The following KCNK2 variants were observed in gnomAD, a reference collection of about 807,000 sequenced individuals.
KCNK2 encodes potassium two pore domain channel subfamily K member 2, also known as potassium channel subfamily K member 2.
A neutral mutation model predicts 40.5 loss-of-function variants in KCNK2; 21 were observed. The observed-to-expected ratio is 0.52, with a 90% CI of 0.37 to 0.75. KCNK2 has a LOEUF of 0.75. KCNK2 is among the 30% of genes least tolerant of loss of function. The pLI is 0.00. For synonymous variants in KCNK2, 191 were observed against 202.2 expected (o/e 0.94, Z 0.47); for missense variants, 399 against 531.6 (o/e 0.75, Z 2.45).
chr1:215,223,538 G>A (rs571552598), intron 6 of KCNK2, among the ~76,000 whole-genome samples: 1 of 152,264 alleles, frequency 6.6e-6, no homozygotes, highest in Non-Finnish European at 1.5e-5. Context: ...GGGAAAAAAA[G>A]TGACCTTGTA....
intron 5 of KCNK2, among the ~76,000 whole-genome samples, chr1:215,175,238 T>A (rs1663905626): frequency 6.6e-6 from 1 of 151,984 alleles, no homozygotes; most frequent in African/African-American, 2.4e-5. Context: ...GGTTACCTAC[T>A]GAGGTACTGG....
chr1:215,146,593 C>A (rs1401284785), intron 3 of KCNK2, among the ~76,000 whole-genome samples: 5 of 152,156 alleles, frequency 3.3e-5, no homozygotes, highest in Admixed American at 3.3e-4. Context: ...TATATACATA[C>A]TTTCCCAGTC....
chr1:215,067,450 A>G (rs1658594675), intron 1 of KCNK2, among the ~76,000 whole-genome samples: 1 of 152,176 alleles, frequency 6.6e-6, no homozygotes, highest in Non-Finnish European at 1.5e-5. Context: ...GGGAAGAGGG[A>G]TATAACAAAT....
At position 215,020,040 on chromosome 1, in the gene KCNK2, C is replaced by T. The variant is rs190345506; in HGVS notation, c.34+14085C>T. ...CCTGAGTCATTATAGATCTATTCAT[C>T]AAAGTTCATAGCATTAATTATCCCT... On this transcript the variant is annotated intron_variant, in intron 1 of 6. Transcript: ENST00000391895. 9.2e-5 allele frequency among the ~76,000 whole-genome samples: 14 copies of T among 152,258 alleles called. No individual in the cohort carries two copies. The East Asian group carries it at 2.3e-3, about 25-fold the overall frequency.
intron 5 of KCNK2, among the ~76,000 whole-genome samples, chr1:215,187,950 C>A (rs1664516650): frequency 1.3e-5 from 2 of 151,368 alleles, no homozygotes; most frequent in Non-Finnish European, 2.9e-5. Context: ...AGTGAAAAAA[C>A]CAGAGAAGAA....
chr1:215,218,463 C>T (rs2102696931), intron 6 of KCNK2, among the ~76,000 whole-genome samples: 1 of 152,330 alleles, frequency 6.6e-6, no homozygotes, highest in Middle Eastern at 3.4e-3. Flanking sequence ...TAAATATCAC[C>T]CCGCATTCAT....
At chr1:215,230,341 G>A (rs1273670676) in intron 6 of KCNK2, among the ~76,000 whole-genome samples, 3 of 149,822 alleles carry the variant, frequency 2.0e-5, no homozygotes, top group Non-Finnish European at 4.4e-5. Flanking sequence ...CTTGTAACAC[G>A]ATGGTGAGTA....
chr1:215,219,200 T>TA (rs929972356), intron 6 of KCNK2, among the ~76,000 whole-genome samples: 3 of 152,200 alleles, frequency 2.0e-5, no homozygotes, highest in African/African-American at 7.2e-5. Context: ...TGTGTGGCTG[T>TA]AAAACGTACC....
At chr1:215,012,777 A>G (rs1052072281) in intron 1 of KCNK2, among the ~76,000 whole-genome samples, 1 of 150,346 alleles carries the variant, frequency 6.7e-6, no homozygotes, top group African/African-American at 2.4e-5. Flanking sequence ...TAAATTAAGG[A>G]TTTAAGCCCT....
intron 2 of KCNK2, among the ~76,000 whole-genome samples, chr1:215,110,486 G>A (rs988681451): frequency 6.9e-6 from 1 of 145,944 alleles, no homozygotes; most frequent in Non-Finnish European, 1.5e-5. Context: ...TCCTCATTAT[G>A]CAATCTTGAC....
At chr1:215,137,472 A>G (rs1235548154) in intron 3 of KCNK2, among the ~76,000 whole-genome samples, 1 of 152,214 alleles carries the variant, frequency 6.6e-6, no homozygotes, top group African/African-American at 2.4e-5. Context: ...TATGGCCTCC[A>G]AAGCTGAAAA....
chr1:215,141,235 TAATA>T (rs1395828419), intron 3 of KCNK2, among the ~76,000 whole-genome samples: 2 of 152,238 alleles, frequency 1.3e-5, no homozygotes, highest in East Asian at 3.9e-4. Flanking sequence ...TCTAAAATAA[TAATA>T]AAAGGTATAA....
chr1:215,163,102 C>G (rs1405191650), intron 3 of KCNK2, among the ~76,000 whole-genome samples: 3 of 151,850 alleles, frequency 2.0e-5, no homozygotes, highest in Admixed American at 1.3e-4. Context: ...CTTTTATTTC[C>G]TTGAGCAGTG....
At chr1:215,125,740 AT>A (rs2102582534) in intron 3 of KCNK2, among the ~76,000 whole-genome samples, 1 of 692 alleles carries the variant, frequency 1.4e-3, no homozygotes, top group African/African-American at 0.015. Context: ...AGTATAATAA[AT>A]ATATATATAT....
chr1:215,120,445 G>T (rs554622046), intron 2 of KCNK2, among the ~76,000 whole-genome samples: 1 of 152,186 alleles, frequency 6.6e-6, no homozygotes, highest in South Asian at 2.1e-4. Flanking sequence ...TTGAATAAAT[G>T]AACGTGTTGA....
intron 1 of KCNK2, chr1:215,006,062 G>C (rs960851749): frequency 1.0e-6 from 1 of 965,656 alleles, no homozygotes; most frequent in Non-Finnish European, 1.6e-6. Flanking sequence ...TTCATTATAT[G>C]AAAGTCTATA....
rs571542996 is a variant in KCNK2, at chr1:215,045,133, G to A, written c.34+39178G>A. Among the ~76,000 whole-genome samples, 153 of 151,806 alleles carry A rather than the reference G, an allele frequency of 1.0e-3. 1 individual carries two copies. The highest frequency in any genetic ancestry group is 3.5e-3 in the African/African-American group (146 of 41,438). On this transcript the variant is annotated intron_variant, in intron 1 of 6. Transcript: ENST00000391895. The stretch of plus-strand genomic sequence containing the variant: ...CAGGAGGCTGAGCTTGCAGTGAGCC[G>A]AGATCGTGCCACTGAACTCCAGCCT...
intron 6 of KCNK2, among the ~76,000 whole-genome samples, chr1:215,232,198 C>T (rs1666693552): frequency 6.6e-6 from 1 of 152,114 alleles, no homozygotes; most frequent in Admixed American, 6.6e-5. Flanking sequence ...TCCAAATGTT[C>T]ATCAATAGGG....
intron 5 of KCNK2, among the ~76,000 whole-genome samples, chr1:215,189,678 G>A (rs895827666): frequency 3.9e-5 from 6 of 152,212 alleles, no homozygotes; most frequent in African/African-American, 1.4e-4. Context: ...GTAAGCTGTT[G>A]TTTAATACTG....
Sources: gnomAD v4.1 joint callset for allele counts (sites outside exome capture counted in the v4.1 genomes callset) on GRCh38, gnomAD v4.1.1 for gene constraint, MANE v1.5 for transcripts, NCBI Gene and HGNC (gene_info 2026-07-23, HGNC 2026-07-21) for gene names.